The following KSR2 variants were observed in gnomAD, a reference collection of about 807,000 sequenced individuals.
KSR2 encodes kinase suppressor of ras 2.
A neutral mutation model predicts 107.8 loss-of-function variants in KSR2; 25 were observed. The observed-to-expected ratio is 0.23, with a 90% CI of 0.17 to 0.32. KSR2 has a LOEUF of 0.32. Ranked by LOEUF, KSR2 falls within the 10% of genes least tolerant of loss-of-function variation. The pLI, the probability that KSR2 is intolerant of heterozygous loss-of-function variation, is 1.00. For synonymous variants in KSR2, 480 were observed against 507.0 expected (o/e 0.95, Z 0.71); for missense variants, 887 against 1,268.9 (o/e 0.70, Z 4.57).
chr12:117,858,983 G>A lies in KSR2; in HGVS notation c.321+1308C>T, dbSNP rs867555312. 3.9e-5 allele frequency among the ~76,000 whole-genome samples: 6 copies of A among 152,048 alleles called. No homozygotes were observed. In the South Asian group the frequency reaches 1.0e-3, roughly 26 times the overall value. On this transcript the variant is annotated intron_variant, in intron 2 of 19. Coordinates refer to ENST00000339824, the MANE Select transcript of KSR2 (RefSeq NM_173598.6). ...TTGGCCCTGTCACTGCAAATGAGTC[G>A]GTCTCTGGGATCCCAGGGGGTAAGA...
intron 4 of KSR2, among the ~76,000 whole-genome samples, chr12:117,741,394 A>T (rs1888217239): frequency 6.6e-6 from 1 of 152,038 alleles, no homozygotes; most frequent in African/African-American, 2.4e-5. Context: ...ACAGTGGTGC[A>T]CACCTGTCAA....
rs1592898960 is a variant in KSR2 at position 117,466,824 on chromosome 12, G to C, written c.*375C>G. The stretch of plus-strand genomic sequence containing the variant: ...AAGAGTGAACAACGTCAAACACACA[G>C]ACACACACACACATAGCCCCGTCTG... On this transcript the variant is annotated 3_prime_UTR_variant, in exon 20 of 20. Coordinates refer to ENST00000339824, the MANE Select transcript of KSR2 (RefSeq NM_173598.6). 4.3e-6 allele frequency: 1 copy of C among 230,130 alleles called. No homozygotes were observed. Among genetic ancestry groups the C allele is most frequent in the Non-Finnish European group, 8.5e-6 (1 of 118,212 alleles). 14.3% of individuals were successfully genotyped at this position (230,130 alleles called of 1,614,324 possible).
At chr12:117,611,869 G>A (rs900127258) in intron 5 of KSR2, among the ~76,000 whole-genome samples, 8 of 152,130 alleles carry the variant, frequency 5.3e-5, no homozygotes, top group Non-Finnish European at 1.0e-4. Context: ...AGTCACAAAA[G>A]GACAAATATT....
At chr12:117,535,604 TTGTGTG>T (rs5801239) in intron 10 of KSR2, among the ~76,000 whole-genome samples, 7,635 of 142,156 alleles carry the variant, frequency 0.054, 215 homozygotes, top group Middle Eastern at 0.077. Context: ...TTTCCTGGAG[TTGTGTG>T]TGTGTGTGTG....
chr12:117,963,969 T>C (rs1368449639), intron 1 of KSR2, among the ~76,000 whole-genome samples: 1 of 152,198 alleles, frequency 6.6e-6, no homozygotes, highest in African/African-American at 2.4e-5. Flanking sequence ...TTCCCAGGTG[T>C]ATCCTATGGA....
chr12:117,687,125 G>A (rs1207080293), intron 4 of KSR2, among the ~76,000 whole-genome samples: 2 of 152,162 alleles, frequency 1.3e-5, no homozygotes. Flanking sequence ...TCTTTTCCAA[G>A]CTTCCAGCAC....
At chr12:117,625,547 T>C (rs1470179914) in intron 5 of KSR2, among the ~76,000 whole-genome samples, 2 of 152,236 alleles carry the variant, frequency 1.3e-5, no homozygotes, top group African/African-American at 4.8e-5. Context: ...ATCTCCGGGA[T>C]GAAGCCGACT....
At chr12:117,692,163 C>T (rs766346755) in intron 4 of KSR2, among the ~76,000 whole-genome samples, 4 of 151,788 alleles carry the variant, frequency 2.6e-5, no homozygotes, top group Admixed American at 6.6e-5. Context: ...GACGGTTCTC[C>T]GAAGGAGATA....
chr12:117,883,327 C>A (rs1416544555), intron 1 of KSR2, among the ~76,000 whole-genome samples: 3 of 152,150 alleles, frequency 2.0e-5, no homozygotes, highest in Non-Finnish European at 4.4e-5. Flanking sequence ...ATAGTAGAAT[C>A]AGATAAGATA....
chr12:117,717,120 C>A (rs1887016279), intron 4 of KSR2, among the ~76,000 whole-genome samples: 1 of 152,228 alleles, frequency 6.6e-6, no homozygotes, highest in Non-Finnish European at 1.5e-5. Context: ...TCCACTCTCC[C>A]AGCCCACCTT....
intron 1 of KSR2, among the ~76,000 whole-genome samples, chr12:117,920,864 T>C (rs1895320036): frequency 6.6e-6 from 1 of 152,076 alleles, no homozygotes; most frequent in South Asian, 2.1e-4. Context: ...TCAAAGTGGG[T>C]TTGCGGCCAA....
intron 14 of KSR2, among the ~76,000 whole-genome samples, chr12:117,506,130 T>C (rs891283644): frequency 2.6e-5 from 4 of 152,228 alleles, no homozygotes; most frequent in African/African-American, 7.2e-5. Context: ...TTTCTGAACA[T>C]TTTGATCACG....
chr12:117,560,100 C>T (rs185711899), intron 7 of KSR2, among the ~76,000 whole-genome samples: 7 of 152,224 alleles, frequency 4.6e-5, no homozygotes, highest in Non-Finnish European at 4.4e-5. Flanking sequence ...TCCAATTAGT[C>T]TAGTTCAGTG....
At position 117,817,057 on chromosome 12, in the gene KSR2, G is replaced by A. The variant is rs114400893; in HGVS notation, c.472+38371C>T. Among the ~76,000 whole-genome samples, 1,261 of 147,570 alleles carry A rather than the reference G, an allele frequency of 8.5e-3. 16 individuals carry two copies. The highest frequency in any genetic ancestry group is 0.032 in the African/African-American group (1,201 of 37,904). On this transcript the variant is annotated intron_variant, in intron 3 of 19. Coordinates refer to ENST00000339824, the MANE Select transcript of KSR2 (RefSeq NM_173598.6). ...TGAACAGCTGGATGGCTGCATTTCT[G>A]TTTGCAATGACCAGGCCAGGGGAGG... is the stretch of plus-strand genomic sequence containing the variant.
intron 10 of KSR2, among the ~76,000 whole-genome samples, chr12:117,537,401 T>C (rs1876128667): frequency 6.6e-6 from 1 of 152,218 alleles, no homozygotes; most frequent in Admixed American, 6.5e-5. Flanking sequence ...CCACTGTACT[T>C]TATTATTATT....
At position 117,935,241 on chromosome 12, in the gene KSR2, C is replaced by A. The variant is rs1040210271; in HGVS notation, c.180+32835G>T. Among the ~76,000 whole-genome samples the A allele has an allele frequency of 3.3e-5, 5 of 152,006 alleles. 1 individual carries two copies. The East Asian group carries it at 5.8e-4, about 18-fold the overall frequency. ...GCCTTGACCTCCTGGCTCGAGCAAT[C>A]CTCCCTCCTCAGCCTCCCAAGTAGC... On this transcript the variant is annotated intron_variant, in intron 1 of 19. Coordinates refer to ENST00000339824, the MANE Select transcript of KSR2 (RefSeq NM_173598.6).
intron 3 of KSR2, among the ~76,000 whole-genome samples, chr12:117,814,503 AC>A (rs1479816415): frequency 6.6e-6 from 1 of 152,046 alleles, no homozygotes; most frequent in African/African-American, 2.4e-5. Flanking sequence ...CACTGTGACA[AC>A]CCCTCCCAAA....
At chr12:117,643,884 C>T (rs1043195284) in intron 5 of KSR2, among the ~76,000 whole-genome samples, 10 of 152,170 alleles carry the variant, frequency 6.6e-5, no homozygotes, top group Admixed American at 5.2e-4. Flanking sequence ...CTTAACACTA[C>T]CGCACGATGC....
In KSR2 at chr12:117,968,361, C is replaced by T; in HGVS notation, c.-106G>A. ...CGCCTCTCCAACCACTGCGACTTCT[C>T]AACAATGTCTCATGAAGAAGAAATC... On this transcript the variant is annotated 5_prime_UTR_variant, in exon 1 of 20. It removes the in-frame stop codon of an upstream open reading frame in the 5' UTR. Coordinates refer to ENST00000339824, the MANE Select transcript of KSR2 (RefSeq NM_173598.6). The T allele has an allele frequency of 7.2e-7, 1 of 1,397,450 alleles. No individual in the cohort carries two copies. The highest frequency in any genetic ancestry group is 9.2e-7 in the Non-Finnish European group (1 of 1,082,946). 86.6% of individuals were successfully genotyped at this position (1,397,450 alleles called of 1,614,324 possible).
Sources: gnomAD v4.1 joint callset for allele counts (sites outside exome capture counted in the v4.1 genomes callset) on GRCh38, gnomAD v4.1.1 for gene constraint, MANE v1.5 for transcripts, NCBI Gene and HGNC (gene_info 2026-07-23, HGNC 2026-07-21) for gene names.